The following SORCS2 variants were observed in gnomAD, a reference collection of about 807,000 sequenced individuals.
SORCS2 encodes the protein sortilin related VPS10 domain containing receptor 2.
SORCS2 carries 100 observed loss-of-function variants against 141.6 expected under a neutral mutation model. The ratio of observed to expected loss-of-function variants is 0.71; its 90% confidence interval spans 0.60 to 0.83. The LOEUF is 0.83. Among genes scored for constraint, SORCS2 ranks in the 40% least tolerant of loss-of-function variants. The pLI is 0.00. For missense variants in SORCS2, 1,646 were observed against 1,560.2 expected (o/e 1.05, Z -0.93); for synonymous variants, 789 against 676.9 (o/e 1.17, Z -2.57).
chr4:7,387,458 CACAG>C (rs1363753644), intron 1 of SORCS2, among the ~76,000 whole-genome samples: 1 of 146,358 alleles, frequency 6.8e-6, no homozygotes, highest in East Asian at 2.0e-4. Context: ...CACATGCACA[CACAG>C]ATACAGAGAT....
At chr4:7,652,957 C>T (rs1472956926) in intron 4 of SORCS2, among the ~76,000 whole-genome samples, 1 of 152,186 alleles carries the variant, frequency 6.6e-6, no homozygotes, top group Non-Finnish European at 1.5e-5. Context: ...CTTTATGAGC[C>T]ATTTAACATT....
chr4:7,339,865 C>T (rs1038754878), intron 1 of SORCS2, among the ~76,000 whole-genome samples: 1 of 152,166 alleles, frequency 6.6e-6, no homozygotes, highest in African/African-American at 2.4e-5. Context: ...GGAGGGTCTC[C>T]AGGAAGATGT....
intron 3 of SORCS2, among the ~76,000 whole-genome samples, chr4:7,599,887 G>A (rs1457679909): frequency 1.3e-5 from 2 of 150,812 alleles, no homozygotes; most frequent in African/African-American, 4.9e-5. Context: ...GAAGTAGCAT[G>A]ATATCAGCTC....
At chr4:7,622,356 T>C (rs1019631887) in intron 3 of SORCS2, among the ~76,000 whole-genome samples, 1 of 152,328 alleles carries the variant, frequency 6.6e-6, no homozygotes, top group South Asian at 2.1e-4. Context: ...TTTTATTCTG[T>C]GCCTTGCAGG....
At chr4:7,717,604 G>A (rs969606962) in intron 17 of SORCS2, among the ~76,000 whole-genome samples, 4 of 152,190 alleles carry the variant, frequency 2.6e-5, no homozygotes, top group Non-Finnish European at 4.4e-5. Flanking sequence ...AGCCAGTGGC[G>A]AGGTGGAGGC....
chr4:7,491,548 A>G (rs1731315419), intron 2 of SORCS2, among the ~76,000 whole-genome samples: 1 of 152,198 alleles, frequency 6.6e-6, no homozygotes, highest in African/African-American at 2.4e-5. Context: ...TGCAGAGGGA[A>G]CACCTTGGCT....
chr4:7,502,667 C>T (rs1230619239), intron 2 of SORCS2, among the ~76,000 whole-genome samples: 7 of 152,324 alleles, frequency 4.6e-5, no homozygotes, highest in Admixed American at 2.0e-4. Context: ...ATGCAGAGAA[C>T]GGGCGTGACT....
chr4:7,383,648 C>G (rs770871129), intron 1 of SORCS2, among the ~76,000 whole-genome samples: 1 of 152,166 alleles, frequency 6.6e-6, no homozygotes, highest in Non-Finnish European at 1.5e-5. Context: ...CACAGCTTAT[C>G]CGATTACCTT....
At chr4:7,533,085 G>A (rs1366270414) in intron 3 of SORCS2, among the ~76,000 whole-genome samples, 1 of 152,190 alleles carries the variant, frequency 6.6e-6, no homozygotes, top group African/African-American at 2.4e-5. Flanking sequence ...CAAAGAGGGA[G>A]GCATCATTAT....
chr4:7,593,023 A>G (rs1378777712), intron 3 of SORCS2, among the ~76,000 whole-genome samples: 2 of 152,092 alleles, frequency 1.3e-5, no homozygotes, highest in Non-Finnish European at 2.9e-5. Flanking sequence ...GTTAAAACCT[A>G]TATAATTTAT....
At chr4:7,358,047 C>T (rs1195787097) in intron 1 of SORCS2, among the ~76,000 whole-genome samples, 1 of 152,178 alleles carries the variant, frequency 6.6e-6, no homozygotes, top group African/African-American at 2.4e-5. Context: ...AGTGCGCTGG[C>T]TCAAGTTTCT....
chr4:7,473,543 A>C (rs1730108506), intron 2 of SORCS2, among the ~76,000 whole-genome samples: 1 of 152,188 alleles, frequency 6.6e-6, no homozygotes. Context: ...ACCTTCTAGC[A>C]GCTTGGCAGG....
chr4:7,445,499 G>A (rs1727927913), intron 2 of SORCS2, among the ~76,000 whole-genome samples: 1 of 152,168 alleles, frequency 6.6e-6, no homozygotes, highest in African/African-American at 2.4e-5. Flanking sequence ...GTGGAAGAAG[G>A]CCTGGGGCGC....
chr4:7,596,180 A>G (rs1717266418), intron 3 of SORCS2, among the ~76,000 whole-genome samples: 1 of 152,236 alleles, frequency 6.6e-6, no homozygotes. Flanking sequence ...AGTATACGAT[A>G]GAATAGATTT....
chr4:7,408,458 G>A (rs910413690), intron 2 of SORCS2, among the ~76,000 whole-genome samples: 4 of 151,868 alleles, frequency 2.6e-5, no homozygotes, highest in Non-Finnish European at 4.4e-5. Flanking sequence ...CCTTTGAGAA[G>A]TCTGTTGCCG....
chr4:7,591,054 G>A (rs947828626), intron 3 of SORCS2, among the ~76,000 whole-genome samples: 3 of 152,220 alleles, frequency 2.0e-5, no homozygotes, highest in Admixed American at 6.5e-5. Flanking sequence ...CACACTTGGC[G>A]GGTCTCAATG....
chr4:7,345,881 G>C (rs566425605), intron 1 of SORCS2, among the ~76,000 whole-genome samples: 1 of 152,210 alleles, frequency 6.6e-6, no homozygotes, highest in South Asian at 2.1e-4. Flanking sequence ...CCCTCCGGTG[G>C]GTACCTGCCC....
intron 14 of SORCS2, among the ~76,000 whole-genome samples, chr4:7,710,438 C>T (rs538824251): frequency 1.5e-4 from 23 of 151,224 alleles, no homozygotes; most frequent in African/African-American, 5.7e-4. Flanking sequence ...GCTGCTATAC[C>T]TTCCATAATG....
intron 5 of SORCS2, among the ~76,000 whole-genome samples, chr4:7,659,223 C>T (rs1473620458): frequency 1.3e-5 from 2 of 148,640 alleles, no homozygotes; most frequent in African/African-American, 2.5e-5. Context: ...AGATGGGATG[C>T]GGTGCTTGGT....
Sources: gnomAD v4.1 joint callset for allele counts (sites outside exome capture counted in the v4.1 genomes callset) on GRCh38, gnomAD v4.1.1 for gene constraint, MANE v1.5 for transcripts, NCBI Gene and HGNC (gene_info 2026-07-23, HGNC 2026-07-21) for gene names.